Variants in AKAP6 observed in about 807,000 individuals in gnomAD.
The protein encoded by AKAP6 is A-kinase anchoring protein 6.
Under a neutral mutation model 188.5 loss-of-function variants are expected in AKAP6, and 58 were observed. The ratio of observed to expected loss-of-function variants is 0.31; its 90% CI spans 0.25 to 0.38. The LOEUF (loss-of-function observed/expected upper bound fraction) is 0.38, where lower values mean the gene tolerates loss of function less well. Ranked by LOEUF, AKAP6 falls within the 10% of genes least tolerant of loss-of-function variation. The pLI is 1.00. For missense variants in AKAP6, 2,710 were observed against 2,740.0 expected (o/e 0.99, Z 0.24); for synonymous variants, 989 against 998.6 (o/e 0.99, Z 0.18).
At position 32,419,014 on chromosome 14, in the gene AKAP6, A is replaced by G. The variant is rs140300567; in HGVS notation, c.-34-14446A>G. Among the ~76,000 whole-genome samples, 242 of 152,332 alleles carry G rather than the reference A, an allele frequency of 1.6e-3. 1 individual carries two copies. The highest frequency in any genetic ancestry group is 5.6e-3 in the African/African-American group (234 of 41,580). Reference sequence around the variant, plus strand: ...CAAAATACCAATTCATCTTGAAGCAATTCATACTTTATCAAGCATTCACCT... The same window carrying G: ...CAAAATACCAATTCATCTTGAAGCAGTTCATACTTTATCAAGCATTCACCT... On this transcript the variant is annotated intron_variant, in intron 1 of 13. Transcript: ENST00000280979.
At chr14:32,477,701 T>A (rs746849054) in intron 2 of AKAP6, among the ~76,000 whole-genome samples, 1 of 152,216 alleles carries the variant, frequency 6.6e-6, no homozygotes, top group Non-Finnish European at 1.5e-5. Flanking sequence ...ATCTTTTCAG[T>A]AATGAAGCAT....
intron 13 of AKAP6, 51 bp downstream of exon 13, chr14:32,824,866 C>T: frequency 7.0e-7 from 1 of 1,434,188 alleles, no homozygotes; most frequent in Non-Finnish European, 9.4e-7. Flanking sequence ...GAGTTCAGGT[C>T]AGCAAAACCA....
At chr14:32,775,183 T>C (rs1455227293) in intron 12 of AKAP6, among the ~76,000 whole-genome samples, 1 of 152,206 alleles carries the variant, frequency 6.6e-6, no homozygotes, top group Non-Finnish European at 1.5e-5. Context: ...GTTTTTTGTT[T>C]GTTTTGAGAG....
intron 1 of AKAP6, among the ~76,000 whole-genome samples, chr14:32,381,650 G>A (rs1046250778): frequency 2.6e-5 from 4 of 152,150 alleles, no homozygotes; most frequent in African/African-American, 9.7e-5. Context: ...TAGAGAGAAA[G>A]AATGGGAGGA....
intron 2 of AKAP6, among the ~76,000 whole-genome samples, chr14:32,528,718 C>A (rs1882256264): frequency 6.6e-6 from 1 of 152,056 alleles, no homozygotes; most frequent in African/African-American, 2.4e-5. Flanking sequence ...AGCTCTGTCC[C>A]CCAGGCTGGA....
chr14:32,628,096 G>A (rs890188611), intron 7 of AKAP6: 10 of 152,114 alleles, frequency 6.6e-5, no homozygotes, highest in African/African-American at 2.4e-4. Flanking sequence ...GATAACAGAA[G>A]TGGTAAGTCA....
chr14:32,428,442 C>T (rs1359488916), intron 1 of AKAP6, among the ~76,000 whole-genome samples: 1 of 152,064 alleles, frequency 6.6e-6, no homozygotes, highest in Admixed American at 6.6e-5. Flanking sequence ...CACCAGTGTC[C>T]TGCCAGCATG....
At chr14:32,386,144 A>AT (rs1250185512) in intron 1 of AKAP6, among the ~76,000 whole-genome samples, 2 of 152,012 alleles carry the variant, frequency 1.3e-5, no homozygotes, top group Non-Finnish European at 2.9e-5. Context: ...GCTGGATCAA[A>AT]TGGTAGTTCT....
intron 2 of AKAP6, among the ~76,000 whole-genome samples, chr14:32,513,325 T>C (rs1303708199): frequency 2.6e-5 from 4 of 152,232 alleles, no homozygotes; most frequent in African/African-American, 9.6e-5. Context: ...TACCTATGTC[T>C]TTATTTCAAT....
intron 1 of AKAP6, among the ~76,000 whole-genome samples, chr14:32,330,298 C>G (rs1208961634): frequency 6.6e-6 from 1 of 152,072 alleles, no homozygotes; most frequent in Non-Finnish European, 1.5e-5. Context: ...CAGTCATAAC[C>G]TCAACTCAAT....
chr14:32,418,545 G>T (rs1324758385), intron 1 of AKAP6, among the ~76,000 whole-genome samples: 1 of 152,104 alleles, frequency 6.6e-6, no homozygotes, highest in Non-Finnish European at 1.5e-5. Flanking sequence ...ATAATGTTCA[G>T]CATTCCGTCC....
intron 4 of AKAP6, among the ~76,000 whole-genome samples, chr14:32,575,774 A>G (rs188547916): frequency 6.9e-4 from 105 of 152,268 alleles, no homozygotes; most frequent in Admixed American, 6.7e-3. Flanking sequence ...TGAATATGGG[A>G]AACCATATGA....
At chr14:32,409,784 G>A (rs953230571) in intron 1 of AKAP6, among the ~76,000 whole-genome samples, 1 of 152,154 alleles carries the variant, frequency 6.6e-6, no homozygotes, top group African/African-American at 2.4e-5. Flanking sequence ...GATGTCAGAT[G>A]CTCATCTCTT....
At chr14:32,699,509 T>C (rs546825071) in intron 9 of AKAP6, among the ~76,000 whole-genome samples, 33 of 152,322 alleles carry the variant, frequency 2.2e-4, no homozygotes, top group Non-Finnish European at 4.1e-4. Flanking sequence ...TTAAGATCAT[T>C]TTTTGAGTTA....
At chr14:32,609,879 TGACACA>T (rs1566602938) in intron 7 of AKAP6, among the ~76,000 whole-genome samples, 1 of 84,692 alleles carries the variant, frequency 1.2e-5, no homozygotes, top group Non-Finnish European at 2.2e-5. Context: ...TCTCTCTCTC[TGACACA>T]CACACACACA....
At position 32,548,382 on chromosome 14, in the gene AKAP6, G is replaced by A. The variant is rs193117357; in HGVS notation, c.2346+1383G>A. Among the ~76,000 whole-genome samples the A allele has an allele frequency of 2.8e-3, 420 of 151,798 alleles. 3 individuals are homozygous for A. The highest frequency in any genetic ancestry group is 9.5e-3 in the African/African-American group (392 of 41,332). On this transcript the variant is annotated intron_variant, in intron 4 of 13. Transcript: ENST00000280979. ...ATCCCAAAGTGCTGGGATTACAGGC[G>A]TGAGCCACTGTGCGTGGCCCATACA...
intron 1 of AKAP6, among the ~76,000 whole-genome samples, chr14:32,371,707 T>A (rs910520897): frequency 1.3e-5 from 2 of 152,166 alleles, no homozygotes; most frequent in Non-Finnish European, 2.9e-5. Context: ...AAAGGTGGGA[T>A]TAACTGTTGT....
chr14:32,425,431 A>G (rs889769463), intron 1 of AKAP6, among the ~76,000 whole-genome samples: 11 of 152,092 alleles, frequency 7.2e-5, no homozygotes, highest in African/African-American at 2.7e-4. Context: ...CTCTCCAAAA[A>G]TCACAAAAAT....
At chr14:32,445,602 C>A (rs1335541702) in intron 2 of AKAP6, among the ~76,000 whole-genome samples, 1 of 152,182 alleles carries the variant, frequency 6.6e-6, no homozygotes, top group African/African-American at 2.4e-5. Context: ...GTCTTGAACC[C>A]CTGACCTCAA....
Sources: allele counts gnomAD v4.1 joint callset (sites outside exome capture counted in the v4.1 genomes callset), GRCh38; gene constraint gnomAD v4.1.1; transcripts MANE v1.5; gene names NCBI Gene and HGNC (gene_info 2026-07-23, HGNC 2026-07-21).